The following XKR4 variants were observed in gnomAD, a reference collection of about 807,000 sequenced individuals.
The protein encoded by XKR4 is XK-related protein 4.
XKR4 carries 12 observed loss-of-function variants against 53.9 expected under a neutral mutation model. The ratio of observed to expected loss-of-function variants is 0.22; its 90% CI spans 0.14 to 0.36. The LOEUF (loss-of-function observed/expected upper bound fraction) is 0.36, where lower values mean the gene tolerates loss of function less well. Ranked by LOEUF, XKR4 falls within the 10% of genes least tolerant of loss-of-function variation. XKR4 has a pLI of 1.00. For synonymous variants in XKR4, 354 were observed against 362.4 expected (o/e 0.98, Z 0.26); for missense variants, 799 against 859.5 (o/e 0.93, Z 0.88).
At chr8:55,293,279 G>A (rs1266820313) in intron 1 of XKR4, among the ~76,000 whole-genome samples, 4 of 152,142 alleles carry the variant, frequency 2.6e-5, no homozygotes, top group Non-Finnish European at 5.9e-5. Context: ...AGGTTGCAGT[G>A]AGCCGAGATT....
At chr8:55,414,081 A>T (rs1395695630) in intron 2 of XKR4, among the ~76,000 whole-genome samples, 1 of 152,226 alleles carries the variant, frequency 6.6e-6, no homozygotes, top group Non-Finnish European at 1.5e-5. Flanking sequence ...AAGCCATGTC[A>T]TTTATTCAAG....
chr8:55,132,509 T>A (rs1405041132), intron 1 of XKR4, among the ~76,000 whole-genome samples: 1 of 152,204 alleles, frequency 6.6e-6, no homozygotes, highest in East Asian at 1.9e-4. Flanking sequence ...TAATAAAAGT[T>A]GTGAATGTGA....
At chr8:55,132,875 G>T (rs1352109609) in intron 1 of XKR4, among the ~76,000 whole-genome samples, 1 of 152,056 alleles carries the variant, frequency 6.6e-6, no homozygotes, top group Admixed American at 6.5e-5. Flanking sequence ...TCCCATCTGT[G>T]CTCAGCTCCC....
At position 55,538,823 on chromosome 8, in the gene XKR4, C is replaced by T. The variant is rs1171581659; in HGVS notation, c.*14596C>T. 1 of 152,176 alleles carries T rather than the reference C, an allele frequency of 6.6e-6. No individual in the cohort carries two copies. The allele number at this position is 152,176 out of a possible 1,614,324, so 9.4% of individuals were successfully genotyped here. ...GTGAGATTAGAGTTGGTGTCATTTC[C>T]ATTGAGTATCCTCTTCACCCCTAAG... On this transcript the variant is annotated 3_prime_UTR_variant, in exon 3 of 3. Transcript: ENST00000327381.
At chr8:55,204,093 C>T (rs1390095748) in intron 1 of XKR4, among the ~76,000 whole-genome samples, 1 of 152,106 alleles carries the variant, frequency 6.6e-6, no homozygotes, top group Non-Finnish European at 1.5e-5. Flanking sequence ...TCACTGCAGC[C>T]TCAACCTCCC....
At chr8:55,119,795 G>A (rs952734708) in intron 1 of XKR4, among the ~76,000 whole-genome samples, 1 of 152,168 alleles carries the variant, frequency 6.6e-6, no homozygotes, top group African/African-American at 2.4e-5. Flanking sequence ...GCTCCATAAT[G>A]AGTGGAGTGA....
At chr8:55,302,932 C>T (rs923139956) in intron 1 of XKR4, among the ~76,000 whole-genome samples, 9 of 152,090 alleles carry the variant, frequency 5.9e-5, no homozygotes, top group South Asian at 2.1e-4. Flanking sequence ...TACAATCATG[C>T]CATCTGCAAA....
chr8:55,272,149 G>C (rs1818701033), intron 1 of XKR4, among the ~76,000 whole-genome samples: 1 of 152,158 alleles, frequency 6.6e-6, no homozygotes. Flanking sequence ...CAAAGAATAA[G>C]AAATGATTCT....
At chr8:55,479,542 C>T (rs1806064533) in intron 2 of XKR4, among the ~76,000 whole-genome samples, 1 of 151,926 alleles carries the variant, frequency 6.6e-6, no homozygotes, top group African/African-American at 2.4e-5. Flanking sequence ...CAAGAAATAA[C>T]TAAAATCAGA....
intron 1 of XKR4, among the ~76,000 whole-genome samples, chr8:55,293,400 T>A (rs1345540459): frequency 6.6e-6 from 1 of 152,152 alleles, no homozygotes; most frequent in African/African-American, 2.4e-5. Flanking sequence ...AAGGAACAAG[T>A]GCGAAATTAT....
At chr8:55,206,457 A>G (rs1433446954) in intron 1 of XKR4, among the ~76,000 whole-genome samples, 1 of 152,182 alleles carries the variant, frequency 6.6e-6, no homozygotes, top group East Asian at 1.9e-4. Context: ...TAGGGCATAT[A>G]TTAATAAAAA....
intron 2 of XKR4, 96 bp downstream of exon 2, chr8:55,357,973 C>T: frequency 2.4e-6 from 3 of 1,265,628 alleles, no homozygotes; most frequent in Non-Finnish European, 3.3e-6. Context: ...TTTGTTGACA[C>T]AGGCCTGTGA....
chr8:55,228,640 T>G (rs1156292963), intron 1 of XKR4, among the ~76,000 whole-genome samples: 2 of 152,174 alleles, frequency 1.3e-5, no homozygotes, highest in Admixed American at 6.5e-5. Context: ...ACTTAAAACA[T>G]GTAGCAATTT....
chr8:55,428,263 A>T (rs887418440), intron 2 of XKR4, among the ~76,000 whole-genome samples: 1 of 152,208 alleles, frequency 6.6e-6, no homozygotes, highest in African/African-American at 2.4e-5. Flanking sequence ...AATGATCAAC[A>T]TAGCAAAGAG....
Position 55,293,743 on chromosome 8 carries a change from T to G in XKR4, c.807-63935T>G, listed in dbSNP as rs189177420. ...GAAAATGTTTATACGCTAATTTTGT[T>G]TCTTTGCATAGATGGGTACTTATAG... On this transcript the variant is annotated intron_variant, in intron 1 of 2. Transcript: ENST00000327381. Among the ~76,000 whole-genome samples, 219 of 152,286 alleles carry G rather than the reference T, an allele frequency of 1.4e-3. 2 individuals carry two copies. Among genetic ancestry groups the G allele is most frequent in the African/African-American group, 5.1e-3 (210 of 41,582 alleles).
intron 1 of XKR4, among the ~76,000 whole-genome samples, chr8:55,242,181 C>G (rs894496163): frequency 5.3e-5 from 8 of 152,120 alleles, no homozygotes; most frequent in Admixed American, 1.3e-4. Flanking sequence ...CTTTTTTAGT[C>G]CCCCATAAGG....
chr8:55,472,956 C>A (rs1041552544), intron 2 of XKR4, among the ~76,000 whole-genome samples: 1 of 152,088 alleles, frequency 6.6e-6, no homozygotes, highest in Non-Finnish European at 1.5e-5. Context: ...AGGGCCTCAG[C>A]ATAAGTATGG....
chr8:55,362,791 A>G (rs1458638258), intron 2 of XKR4, among the ~76,000 whole-genome samples: 2 of 152,226 alleles, frequency 1.3e-5, no homozygotes, highest in Non-Finnish European at 2.9e-5. Flanking sequence ...ATACCAGTTC[A>G]TGTACAGACA....
intron 2 of XKR4, among the ~76,000 whole-genome samples, chr8:55,387,634 G>A (rs138769473): frequency 6.6e-6 from 1 of 152,322 alleles, no homozygotes; most frequent in South Asian, 2.1e-4. Context: ...TAGACCTTCT[G>A]CCCTCTGAGT....
Sources: gnomAD v4.1 joint callset for allele counts (sites outside exome capture counted in the v4.1 genomes callset) on GRCh38, gnomAD v4.1.1 for gene constraint, MANE v1.5 for transcripts, NCBI Gene and HGNC (gene_info 2026-07-23, HGNC 2026-07-21) for gene names.